The following GLMN variants were observed in gnomAD, a reference collection of about 807,000 sequenced individuals.
The protein encoded by GLMN is glomulin.
In GLMN, 75 loss-of-function variants were observed where a neutral mutation model predicts 87.8. That is an observed-to-expected ratio of 0.85 (90% CI 0.71 to 1.04). GLMN has a LOEUF of 1.04. Among genes scored for constraint, GLMN ranks in the 50% least tolerant of loss-of-function variants. The pLI is 0.00. For synonymous variants in GLMN, 206 were observed against 221.6 expected (o/e 0.93, Z 0.63); for missense variants, 588 against 658.8 (o/e 0.89, Z 1.18).
At chr1:92,301,460 C>T (rs1650853236), upstream of GLMN, 1 of 1,402,802 alleles carries the variant, frequency 7.1e-7, no homozygotes, top group Non-Finnish European at 1.0e-6. Flanking sequence ...GATTAAGTTT[C>T]TCTTTCAAAT....
intron 8 of GLMN, 42 bp downstream of exon 8, chr1:92,271,423 T>A: frequency 7.0e-7 from 1 of 1,437,596 alleles, no homozygotes; most frequent in Non-Finnish European, 9.8e-7. Context: ...TTTTATGAAA[T>A]TCCTTTTAGA....
At chr1:92,330,960 A>G in the GLMN span, among the ~76,000 whole-genome samples, 6 of 152,176 alleles carry the variant, frequency 3.9e-5, no homozygotes, top group African/African-American at 1.4e-4. Context: ...CCAGAAGATG[A>G]GCATGCACAT....
chr1:92,335,844 A>G, the GLMN span, among the ~76,000 whole-genome samples: 3 of 152,070 alleles, frequency 2.0e-5, no homozygotes, highest in African/African-American at 7.2e-5. Context: ...CATATTTTTT[A>G]TGTTCATCTG....
chr1:92,307,892 T>A, the GLMN span, among the ~76,000 whole-genome samples: 1 of 152,076 alleles, frequency 6.6e-6, no homozygotes, highest in African/African-American at 2.4e-5. Flanking sequence ...CTTATGGTAA[T>A]TAAACTGTAT....
the GLMN span, among the ~76,000 whole-genome samples, chr1:92,312,067 A>T: frequency 6.6e-6 from 1 of 152,148 alleles, no homozygotes; most frequent in Admixed American, 6.6e-5. Flanking sequence ...ATTTCTCTGT[A>T]GCATTAGATG....
chr1:92,273,630 A>AT (rs919227721), intron 7 of GLMN, among the ~76,000 whole-genome samples: 3 of 148,870 alleles, frequency 2.0e-5, no homozygotes, highest in Admixed American at 2.0e-4. Flanking sequence ...TATTTTTTTT[A>AT]TTTTTTATAG....
chr1:92,303,764 TTAA>T (rs1182427370), upstream of GLMN, among the ~76,000 whole-genome samples: 1 of 152,186 alleles, frequency 6.6e-6, no homozygotes, highest in East Asian at 1.9e-4. Context: ...AGAAATTTTT[TTAA>T]TAATAACTTT....
At chr1:92,312,735 T>G in the GLMN span, among the ~76,000 whole-genome samples, 1 of 152,182 alleles carries the variant, frequency 6.6e-6, no homozygotes, top group Non-Finnish European at 1.5e-5. Flanking sequence ...AGTCATCCAT[T>G]AGGGTTACAA....
chr1:92,261,738 G>A (rs2100860207), intron 16 of GLMN, among the ~76,000 whole-genome samples: 1 of 151,788 alleles, frequency 6.6e-6, no homozygotes, highest in African/African-American at 2.4e-5. Flanking sequence ...TTTAATCAAT[G>A]TAATGAAATA....
At chr1:92,317,419 A>C in the GLMN span, among the ~76,000 whole-genome samples, 6 of 152,024 alleles carry the variant, frequency 3.9e-5, no homozygotes, top group African/African-American at 1.5e-4. Flanking sequence ...GAGGCAGGAC[A>C]ATCGCTTCAA....
the GLMN span, chr1:92,320,509 G>C: frequency 8.1e-6 from 8 of 981,946 alleles, no homozygotes; most frequent in Admixed American, 1.5e-4. Flanking sequence ...CTGACCTCGA[G>C]ATCCGCCTGC....
At chr1:92,313,052 G>A in the GLMN span, among the ~76,000 whole-genome samples, 1 of 152,138 alleles carries the variant, frequency 6.6e-6, no homozygotes, top group African/African-American at 2.4e-5. Context: ...TTTTAGTAGA[G>A]ATGGGGGTTT....
intron 16 of GLMN, among the ~76,000 whole-genome samples, chr1:92,252,511 T>C (rs894166489): frequency 2.0e-5 from 3 of 152,182 alleles, no homozygotes; most frequent in African/African-American, 4.8e-5. Context: ...TCAATGGCAA[T>C]AGCCCATAAT....
chr1:92,280,558 T>C (rs1647904454), intron 7 of GLMN, among the ~76,000 whole-genome samples: 1 of 152,142 alleles, frequency 6.6e-6, no homozygotes, highest in African/African-American at 2.4e-5. Flanking sequence ...GCGCCTCTGC[T>C]CTTTCAAAGG....
At chr1:92,251,708 G>T (rs1036399555) in intron 16 of GLMN, among the ~76,000 whole-genome samples, 1 of 151,710 alleles carries the variant, frequency 6.6e-6, no homozygotes, top group Non-Finnish European at 1.5e-5. Context: ...CTTTCCTCTT[G>T]TAGAAGTTCT....
At chr1:92,297,357 T>A in intron 3 of GLMN, 47 bp downstream of exon 3, 1 of 1,605,076 alleles carries the variant, frequency 6.2e-7, no homozygotes, top group Non-Finnish European at 8.5e-7. Context: ...CATCATGTGA[T>A]TATTCTCTTC....
At chr1:92,255,349 C>G (rs1654078987) in intron 16 of GLMN, among the ~76,000 whole-genome samples, 1 of 152,116 alleles carries the variant, frequency 6.6e-6, no homozygotes, top group Admixed American at 6.6e-5. Context: ...GACAGATCAA[C>G]AAGACAGAAA....
At chr1:92,317,993 A>G in the GLMN span, among the ~76,000 whole-genome samples, 2 of 152,142 alleles carry the variant, frequency 1.3e-5, no homozygotes, top group Middle Eastern at 3.4e-3. Flanking sequence ...CTCTATCTCA[A>G]TCTGCAGCTA....
chr1:92,316,455 G>GCA, the GLMN span, among the ~76,000 whole-genome samples: 19 of 152,094 alleles, frequency 1.2e-4, no homozygotes, highest in Non-Finnish European at 2.1e-4. Context: ...TGATATATAT[G>GCA]CACATATATA....
Sources: allele counts gnomAD v4.1 joint callset (sites outside exome capture counted in the v4.1 genomes callset), GRCh38; gene constraint gnomAD v4.1.1; transcripts MANE v1.5; gene names NCBI Gene and HGNC (gene_info 2026-07-23, HGNC 2026-07-21).